The following FOXP2 variants were observed in gnomAD, a reference collection of about 807,000 sequenced individuals.
The protein encoded by FOXP2 is forkhead box protein P2.
FOXP2 carries 12 observed loss-of-function variants against 115.8 expected under a neutral mutation model. The observed-to-expected ratio is 0.10, with a 90% CI of 0.07 to 0.17. The LOEUF is 0.17. Among genes scored for constraint, FOXP2 ranks in the 10% least tolerant of loss-of-function variants. FOXP2 has a pLI of 1.00. For missense variants in FOXP2, 629 were observed against 843.5 expected (o/e 0.75, Z 3.15); for synonymous variants, 328 against 297.7 (o/e 1.10, Z -1.05).
At chr7:114,526,659 A>G (rs1377789165) in intron 2 of FOXP2, among the ~76,000 whole-genome samples, 1 of 152,174 alleles carries the variant, frequency 6.6e-6, no homozygotes, top group East Asian at 1.9e-4. Context: ...AGGAACTGAT[A>G]TCTGATAGGT....
At chr7:114,272,426 A>G (rs1796087843) in intron 1 of FOXP2, among the ~76,000 whole-genome samples, 1 of 151,792 alleles carries the variant, frequency 6.6e-6, no homozygotes, top group South Asian at 2.1e-4. Context: ...TCCCACTTCT[A>G]TCCTCTGAAA....
intron 1 of FOXP2, among the ~76,000 whole-genome samples, chr7:114,206,865 T>C (rs1794214307): frequency 1.3e-5 from 2 of 152,192 alleles, no homozygotes; most frequent in Non-Finnish European, 2.9e-5. Flanking sequence ...CAGTGTTATT[T>C]TACTATATTC....
At chr7:114,490,331 A>G (rs1378612088) in intron 2 of FOXP2, among the ~76,000 whole-genome samples, 10 of 152,148 alleles carry the variant, frequency 6.6e-5, no homozygotes, top group African/African-American at 1.9e-4. Context: ...GCTACATACT[A>G]TATGATTCCA....
chr7:114,433,783 A>T (rs1007911269), intron 2 of FOXP2, among the ~76,000 whole-genome samples: 1 of 152,010 alleles, frequency 6.6e-6, no homozygotes, highest in Non-Finnish European at 1.5e-5. Flanking sequence ...AATAGATTTC[A>T]TAGTATTAAA....
rs529887533 is a variant in FOXP2, at chr7:114,401,704, C to G, written c.-10-24798C>G. On this transcript the variant is annotated intron_variant, in intron 2 of 17. Coordinates refer to the FOXP2 transcript ENST00000634411. ...GATCTCTCACCCATGGCTAAAGACA[C>G]AACATTGTGAACTTCTGTTTAACAT... Among the ~76,000 whole-genome samples, 59 of 152,284 alleles carry G rather than the reference C, an allele frequency of 3.9e-4. 1 individual carries two copies. In the South Asian group the frequency reaches 0.012, roughly 30 times the overall value.
chr7:114,460,428 T>C (rs1795513239), intron 2 of FOXP2, among the ~76,000 whole-genome samples: 1 of 152,210 alleles, frequency 6.6e-6, no homozygotes, highest in African/African-American at 2.4e-5. Flanking sequence ...TTAAAGTAAA[T>C]GCACATTTTC....
chr7:114,482,927 C>A (rs924046314), intron 2 of FOXP2, among the ~76,000 whole-genome samples: 1 of 151,556 alleles, frequency 6.6e-6, no homozygotes, highest in South Asian at 2.1e-4. Flanking sequence ...CTTGTCAAAT[C>A]TTTCTCCCAA....
intron 1 of FOXP2, among the ~76,000 whole-genome samples, chr7:114,174,084 A>G (rs79129969): frequency 0.1 from 15,626 of 151,966 alleles, 1,535 homozygotes; most frequent in African/African-American, 0.26. Context: ...CACTTACTTG[A>G]TGGTAGTAGT....
intron 1 of FOXP2, among the ~76,000 whole-genome samples, chr7:114,139,209 A>G (rs1203500506): frequency 2.0e-5 from 3 of 152,100 alleles, no homozygotes; most frequent in African/African-American, 7.2e-5. Flanking sequence ...TACTATTTTC[A>G]TGTTAGAGCG....
intron 1 of FOXP2, among the ~76,000 whole-genome samples, chr7:114,271,535 T>A (rs1163221354): frequency 1.6e-5 from 2 of 124,998 alleles, no homozygotes; most frequent in African/African-American, 3.1e-5. Context: ...ATTATTATAT[T>A]ATTATAATTA....
intron 2 of FOXP2, among the ~76,000 whole-genome samples, chr7:114,511,038 C>T (rs1039927321): frequency 6.6e-6 from 1 of 152,068 alleles, no homozygotes; most frequent in African/African-American, 2.4e-5. Context: ...AAAAAGGATG[C>T]ATTCATGTTC....
intron 3 of FOXP2, among the ~76,000 whole-genome samples, chr7:114,625,580 C>G (rs1804517417): frequency 6.6e-6 from 1 of 151,276 alleles, no homozygotes; most frequent in Non-Finnish European, 1.5e-5. Context: ...CAATGAATAC[C>G]TAGAGTAGCT....
intron 1 of FOXP2, among the ~76,000 whole-genome samples, chr7:114,253,864 C>T (rs147375386): frequency 1.3e-5 from 2 of 152,220 alleles, no homozygotes; most frequent in African/African-American, 4.8e-5. Context: ...TTGCTCGTTA[C>T]TTGATGCAGT....
In FOXP2 at chr7:114,347,791, T is replaced by C. The variant is rs567363740; in HGVS notation, c.-11+59682T>C. Among the ~76,000 whole-genome samples, 5 of 152,182 alleles carry C rather than the reference T, an allele frequency of 3.3e-5. No individual in the cohort carries two copies. In the East Asian group the frequency reaches 9.7e-4, roughly 29 times the overall value. ...AGGGTAAGTAATTTGTTAGAGATTA[T>C]CTATAAATGCCTATTAAAATAAAAA... On this transcript the variant is annotated intron_variant, in intron 2 of 17. Coordinates refer to the FOXP2 transcript ENST00000634411.
intron 2 of FOXP2, among the ~76,000 whole-genome samples, chr7:114,317,012 C>T (rs956805627): frequency 1.3e-5 from 2 of 152,172 alleles, no homozygotes; most frequent in African/African-American, 4.8e-5. Flanking sequence ...AATATTAGGA[C>T]AAGGACTTGC....
At chr7:114,292,777 A>T (rs1453726242) in intron 2 of FOXP2, among the ~76,000 whole-genome samples, 2 of 152,166 alleles carry the variant, frequency 1.3e-5, no homozygotes, top group Non-Finnish European at 2.9e-5. Context: ...AGATCACAGA[A>T]TGTTGCTCAT....
At chr7:114,578,393 A>T (rs1801679308) in intron 3 of FOXP2, among the ~76,000 whole-genome samples, 1 of 152,028 alleles carries the variant, frequency 6.6e-6, no homozygotes, top group Non-Finnish European at 1.5e-5. Flanking sequence ...TATTAGAGCT[A>T]AAAGGGGCCT....
At chr7:114,423,441 G>A (rs1793704087) in intron 1 of FOXP2, among the ~76,000 whole-genome samples, 1 of 151,664 alleles carries the variant, frequency 6.6e-6, no homozygotes, top group Non-Finnish European at 1.5e-5. Flanking sequence ...TATCGTTTGA[G>A]TGTAAGATCT....
At position 114,665,867 on chromosome 7, in the gene FOXP2, G is replaced by A. The variant is rs929730823; in HGVS notation, c.2003+1431G>A. The A allele has an allele frequency of 3.3e-5, 5 of 152,012 alleles. No individual in the cohort carries two copies. The East Asian group carries it at 9.6e-4, about 29-fold the overall frequency. The allele number at this position is 152,012 out of a possible 1,614,324, so 9.4% of individuals were successfully genotyped here. On this transcript the variant is annotated intron_variant, in intron 16 of 16. Coordinates refer to ENST00000350908, the MANE Select transcript of FOXP2 (RefSeq NM_014491.4). ...TCAGCCATGCAGTGGGTAGCTTGCG[G>A]CCTTTTACTTTCAGCAGTTCTCCTG...
Sources: allele counts gnomAD v4.1 joint callset (sites outside exome capture counted in the v4.1 genomes callset), GRCh38; gene constraint gnomAD v4.1.1; transcripts MANE v1.5; gene names NCBI Gene and HGNC (gene_info 2026-07-23, HGNC 2026-07-21).